The following SDK2 variants were observed in gnomAD, a reference collection of about 807,000 sequenced individuals.
SDK2 encodes the protein sidekick cell adhesion molecule 2.
In SDK2, 105 loss-of-function variants were observed where a neutral mutation model predicts 253.9. The ratio of observed to expected loss-of-function variants is 0.41; its 90% CI spans 0.35 to 0.49. SDK2 has a LOEUF of 0.49. SDK2 is among the 20% of genes least tolerant of loss of function. SDK2 has a pLI of 0.06. For synonymous variants in SDK2, 1,249 were observed against 1,234.9 expected (o/e 1.01, Z -0.24); for missense variants, 2,608 against 3,003.0 (o/e 0.87, Z 3.07).
chr17:73,379,670 C>T lies in SDK2; in HGVS notation c.4763-121G>A. On this transcript the variant is annotated intron_variant, in intron 34 of 44. Transcript: ENST00000392650. This position sits in a 1 kb window ranked among gnomAD's most constrained non-coding sequence, Gnocchi z 4.5. ...GAGGCACCCCCGCCATTCTAGCCCCCTCTGTGAAGGTGCATGAAGGAGGAG... is the reference window on the plus strand; with the variant it reads ...GAGGCACCCCCGCCATTCTAGCCCCTTCTGTGAAGGTGCATGAAGGAGGAG... 1 of 649,972 alleles carries T rather than the reference C, an allele frequency of 1.5e-6. No individual in the cohort carries two copies. The highest frequency in any genetic ancestry group is 2.7e-6 in the Non-Finnish European group (1 of 369,146). The allele number at this position is 649,972 out of a possible 1,614,324, so 40.3% of individuals were successfully genotyped here.
chr17:73,543,712 C>A (rs1413287183), intron 1 of SDK2, among the ~76,000 whole-genome samples: 1 of 152,254 alleles, frequency 6.6e-6, no homozygotes, highest in Non-Finnish European at 1.5e-5. Context: ...AGCCTCCCAC[C>A]CTCTTCCAGA....
intron 2 of SDK2, among the ~76,000 whole-genome samples, chr17:73,492,885 A>G (rs1330125284): frequency 6.6e-6 from 1 of 152,178 alleles, no homozygotes; most frequent in Non-Finnish European, 1.5e-5. Context: ...CCAACTCCCC[A>G]GGCGTCTGTC....
At chr17:73,641,969 CG>C (rs933974799) in intron 1 of SDK2, among the ~76,000 whole-genome samples, 1 of 152,198 alleles carries the variant, frequency 6.6e-6, no homozygotes, top group African/African-American at 2.4e-5. Flanking sequence ...AAAACACTCT[CG>C]GAGCCAGAGA....
At chr17:73,355,154 A>G (rs1260378956) in intron 40 of SDK2, among the ~76,000 whole-genome samples, 1 of 80,672 alleles carries the variant, frequency 1.2e-5, no homozygotes, top group African/African-American at 6.7e-5. Context: ...TGCCTCCTAC[A>G]CCTCCATATA....
At chr17:73,369,489 T>A (rs557378958) in intron 36 of SDK2, among the ~76,000 whole-genome samples, 55 of 152,358 alleles carry the variant, frequency 3.6e-4, no homozygotes, top group Admixed American at 2.1e-3. Flanking sequence ...TTCCCAGAGC[T>A]GCAGTTTTGT....
chr17:73,588,384 T>C (rs1163960401), intron 1 of SDK2, among the ~76,000 whole-genome samples: 1 of 79,964 alleles, frequency 1.3e-5, no homozygotes, highest in Non-Finnish European at 2.1e-5. Context: ...CGAAACTCCA[T>C]CTCAAAAAAA....
chr17:73,492,467 T>C (rs1327569105), intron 2 of SDK2, among the ~76,000 whole-genome samples: 1 of 152,102 alleles, frequency 6.6e-6, no homozygotes, highest in Non-Finnish European at 1.5e-5. Flanking sequence ...GTCACTAGTC[T>C]TCATTCTGCA....
intron 3 of SDK2, among the ~76,000 whole-genome samples, chr17:73,469,124 G>A (rs1231204011): frequency 6.6e-6 from 1 of 152,134 alleles, no homozygotes; most frequent in Non-Finnish European, 1.5e-5. Flanking sequence ...CACCTGGCCA[G>A]ACCACTCTTT....
chr17:73,503,737 C>T (rs1256651001), intron 2 of SDK2, among the ~76,000 whole-genome samples: 1 of 152,188 alleles, frequency 6.6e-6, no homozygotes, highest in South Asian at 2.1e-4. Flanking sequence ...TGTCTCAAGC[C>T]CTGGAGTAGG....
chr17:73,574,526 G>A (rs2045431984), intron 1 of SDK2, among the ~76,000 whole-genome samples: 1 of 152,170 alleles, frequency 6.6e-6, no homozygotes, highest in Non-Finnish European at 1.5e-5. Context: ...AACTTCAGGA[G>A]ACTACCTTGT....
chr17:73,385,627 A>C (rs1164625347), intron 32 of SDK2, among the ~76,000 whole-genome samples: 1 of 152,046 alleles, frequency 6.6e-6, no homozygotes, highest in African/African-American at 2.4e-5. Flanking sequence ...CTATCTAGAG[A>C]GTGTAATGAG....
rs756845155 is a variant in SDK2 at position 73,387,909 on chromosome 17, C to G, written c.4321G>C (p.Glu1441Gln). Reference sequence around the variant, plus strand: ...AGTGCCCACCTGCCGCTGGGCAGCTCGCGGGTCTGGATGGTGTAGTAGCGC... The same window carrying G: ...AGTGCCCACCTGCCGCTGGGCAGCTGGCGGGTCTGGATGGTGTAGTAGCGC... ...PVRYYTIQTR[E>Q]LPSGRWALHS... is the part of the protein sequence containing the mutation. The change falls in exon 30 of 45, where the codon GAG (glutamate) becomes CAG (glutamine). Residue 1441 changes from glutamate to glutamine, a missense_variant. Around this residue, in one of 2 missense-constraint regions of SDK2, gnomAD observed 1,103 missense variants for 1,143.9 expected, o/e 0.96. Coordinates refer to ENST00000392650, the MANE Select transcript of SDK2 (RefSeq NM_001144952.2). 3 of 1,591,506 alleles carry G rather than the reference C, an allele frequency of 1.9e-6. No homozygotes were observed. Among genetic ancestry groups the G allele is most frequent in the South Asian group, 2.3e-5 (2 of 87,240 alleles).
At chr17:73,490,219 C>A (rs543409425) in intron 2 of SDK2, among the ~76,000 whole-genome samples, 2 of 152,308 alleles carry the variant, frequency 1.3e-5, no homozygotes, top group East Asian at 1.9e-4. Flanking sequence ...GCCCCTGGTA[C>A]CTGACACTTT....
At chr17:73,558,908 G>A (rs1423861197) in intron 1 of SDK2, among the ~76,000 whole-genome samples, 2 of 152,136 alleles carry the variant, frequency 1.3e-5, no homozygotes, top group South Asian at 2.1e-4. Flanking sequence ...CTGCAGTAGC[G>A]GCCTGGAGAG....
At position 73,447,755 on chromosome 17, in the gene SDK2, A is replaced by G; in HGVS notation, c.480-7T>C. ...GTTCTCCAGCGTGATGGCTCTGGGA[A>G]GAGGAAAAGGATTCCTCTGACAGGG... is the stretch of plus-strand genomic sequence containing the variant. On this transcript the variant is annotated splice_polypyrimidine_tract_variant and splice_region_variant and intron_variant, in intron 4 of 44. Transcript: ENST00000392650. The surrounding 1 kb of genome is among the most constrained non-coding windows in gnomAD (Gnocchi z 4.0). The G allele has an allele frequency of 6.4e-7, 1 of 1,551,598 alleles. No homozygotes were observed. The highest frequency in any genetic ancestry group is 2.4e-5 in the East Asian group (1 of 40,902).
Position 73,350,233 on chromosome 17 carries a change from G to A in SDK2, c.6038+4C>T, listed in dbSNP as rs748106343. On this transcript the variant is annotated splice_donor_region_variant and intron_variant, in intron 43 of 44. Transcript: ENST00000392650. ...GCCCCCAACCCACGCAGAGGGCCCA[G>A]TACCTGGTGTACAGGCCGTTCTTTC... The A allele has an allele frequency of 9.1e-6, 6 of 662,400 alleles. No individual in the cohort carries two copies. The highest frequency in any genetic ancestry group is 2.5e-5 in the South Asian group (1 of 39,878). The allele number at this position is 662,400 out of a possible 1,614,324, so 41.0% of individuals were successfully genotyped here.
intron 27 of SDK2, 54 bp downstream of exon 27, chr17:73,393,503 CAGG>C: frequency 6.9e-7 from 1 of 1,449,248 alleles, no homozygotes; most frequent in South Asian, 1.5e-5. Flanking sequence ...GCCAGATGGG[CAGG>C]AGGAAGGGCG....
rs559423941 is a variant in SDK2 at position 73,501,983 on chromosome 17, T to C, written c.224+5455A>G. On this transcript the variant is annotated intron_variant, in intron 2 of 44. Transcript: ENST00000392650. ...GCAGGCCTGACTTCAACGTCTATGC[T>C]CTTTTCACTCTGACCCCAATGATGG... 3.9e-5 allele frequency among the ~76,000 whole-genome samples: 6 copies of C among 152,246 alleles called. No homozygotes were observed. In the East Asian group the frequency reaches 1.2e-3, roughly 29 times the overall value.
rs931867392 is a variant in SDK2 at position 73,609,973 on chromosome 17, C to G, written c.64+34052G>C. 6.6e-6 allele frequency among the ~76,000 whole-genome samples: 1 copy of G among 152,210 alleles called. No homozygotes were observed. The highest frequency in any genetic ancestry group is 2.4e-5 in the African/African-American group (1 of 41,436). On this transcript the variant is annotated intron_variant, in intron 1 of 44. Coordinates refer to ENST00000392650, the MANE Select transcript of SDK2 (RefSeq NM_001144952.2). The surrounding 1 kb of genome is among the most constrained non-coding windows in gnomAD (Gnocchi z 4.4). Reference sequence around the variant, plus strand: ...TGCGGAGCTCAGCCAGGCAGCTGCACGGGAAACAGGTGTCCTGCTGAACAA... The same window carrying G: ...TGCGGAGCTCAGCCAGGCAGCTGCAGGGGAAACAGGTGTCCTGCTGAACAA...
Sources: allele counts gnomAD v4.1 joint callset (sites outside exome capture counted in the v4.1 genomes callset), GRCh38; gene constraint gnomAD v4.1.1; regional missense constraint gnomAD v4.1.1; non-coding constraint Gnocchi (gnomAD v3.1); transcripts MANE v1.5; gene names NCBI Gene and HGNC (gene_info 2026-07-23, HGNC 2026-07-21).